Variants in FAM120B observed in about 807,000 individuals in gnomAD.
FAM120B encodes constitutive coactivator of peroxisome proliferator-activated receptor gamma.
Under a neutral mutation model 96.3 loss-of-function variants are expected in FAM120B, and 83 were observed. The ratio of observed to expected loss-of-function variants is 0.86; its 90% CI spans 0.72 to 1.03. FAM120B has a LOEUF of 1.03. FAM120B is among the 50% of genes least tolerant of loss of function. FAM120B has a pLI of 0.00. For synonymous variants in FAM120B, 407 were observed against 402.7 expected (o/e 1.01, Z -0.13); for missense variants, 1,027 against 1,121.2 (o/e 0.92, Z 1.20).
chr6:170,328,604 G>A (rs558307889), intron 3 of FAM120B, among the ~76,000 whole-genome samples: 5 of 151,582 alleles, frequency 3.3e-5, no homozygotes, highest in African/African-American at 1.2e-4. Flanking sequence ...TTTGAGTAAG[G>A]TTCACTCCTG....
chr6:170,292,170 C>G (rs927941070), upstream of FAM120B, among the ~76,000 whole-genome samples: 1 of 152,236 alleles, frequency 6.6e-6, no homozygotes, highest in Admixed American at 6.5e-5. The surrounding 1 kb of genome is among the most constrained non-coding windows in gnomAD (Gnocchi z 6.6). Flanking sequence ...GGCCCCCAAC[C>G]CACAACCTTT....
chr6:170,369,239 C>A (rs1789020096), intron 6 of FAM120B, among the ~76,000 whole-genome samples: 1 of 152,052 alleles, frequency 6.6e-6, no homozygotes, highest in Non-Finnish European at 1.5e-5. Context: ...CATAGACTTT[C>A]CAGTATTTAT....
upstream of FAM120B, among the ~76,000 whole-genome samples, chr6:170,292,051 G>A (rs1429898224): frequency 6.6e-6 from 1 of 152,182 alleles, no homozygotes; most frequent in Non-Finnish European, 1.5e-5. The surrounding 1 kb of genome is among the most constrained non-coding windows in gnomAD (Gnocchi z 6.6). Flanking sequence ...GTATGGTAAT[G>A]CAGACAGCAC....
chr6:170,351,340 TG>T (rs1436964007), intron 5 of FAM120B, among the ~76,000 whole-genome samples: 2 of 152,094 alleles, frequency 1.3e-5, no homozygotes, highest in Non-Finnish European at 2.9e-5. Flanking sequence ...CTGAAAGAGA[TG>T]GGGAGAACGG....
At chr6:170,383,754 A>C (rs1218253511) in intron 6 of FAM120B, among the ~76,000 whole-genome samples, 2 of 152,160 alleles carry the variant, frequency 1.3e-5, no homozygotes, top group African/African-American at 4.8e-5. Context: ...CTAATAATGC[A>C]CTTACCATCT....
Position 170,358,305 on chromosome 6 carries a change from T to A in FAM120B, c.2270T>A (p.Leu757His), listed in dbSNP as rs1269100791. The change falls in exon 6 of 11, where the codon CTT (leucine) becomes CAT (histidine). Residue 757 changes from leucine to histidine, a missense_variant. By Grantham distance (99) the Leu-to-His change is moderately conservative (BLOSUM62 -3). Coordinates refer to ENST00000476287, the MANE Select transcript of FAM120B (RefSeq NM_032448.3). Reference sequence around the variant, plus strand: ...CTCCAAGGAAAATCCACCTCGCAGCTTGTAAATCTACAGGTACAGACGTGA... The same window carrying A: ...CTCCAAGGAAAATCCACCTCGCAGCATGTAAATCTACAGGTACAGACGTGA... ...LCLQGKSTSQLVNLQPDYINP... is the reference protein window; with the variant it reads ...LCLQGKSTSQHVNLQPDYINP... The A allele has an allele frequency of 6.2e-7, 1 of 1,604,826 alleles. No individual in the cohort carries two copies.
chr6:170,293,629 TTTC>T (rs1226373275), upstream of FAM120B, among the ~76,000 whole-genome samples: 2 of 152,034 alleles, frequency 1.3e-5, no homozygotes, highest in Non-Finnish European at 1.5e-5. Flanking sequence ...AGAAAGCCCT[TTTC>T]TTCTTCTCCC....
intron 1 of FAM120B, among the ~76,000 whole-genome samples, 157 bp downstream of exon 1, chr6:170,306,999 C>G (rs2114988402): frequency 6.6e-6 from 1 of 152,328 alleles, no homozygotes; most frequent in Non-Finnish European, 1.5e-5. Context: ...GTCACCGCGG[C>G]TGCGACATCA....
At chr6:170,292,929 C>G (rs1035940136), upstream of FAM120B, among the ~76,000 whole-genome samples, 1 of 152,200 alleles carries the variant, frequency 6.6e-6, no homozygotes. The surrounding 1 kb of genome is among the most constrained non-coding windows in gnomAD (Gnocchi z 6.6). Flanking sequence ...CTGGGATCAC[C>G]GTGAACCCCC....
chr6:170,350,674 C>T (rs552271701), intron 5 of FAM120B, among the ~76,000 whole-genome samples: 73 of 152,228 alleles, frequency 4.8e-4, no homozygotes, highest in African/African-American at 1.7e-3. Context: ...TGGAGTAGAC[C>T]GCCAGCAAAT....
intron 9 of FAM120B, among the ~76,000 whole-genome samples, chr6:170,396,778 AG>A (rs1293962329): frequency 1.3e-5 from 2 of 152,218 alleles, no homozygotes; most frequent in Non-Finnish European, 2.9e-5. Flanking sequence ...CATTTGTGCA[AG>A]GATATTTGAG....
At position 170,330,452 on chromosome 6, in the gene FAM120B, T is replaced by A. The variant is rs1785940728; in HGVS notation, c.1919T>A (p.Val640Asp). Residue 640 changes from valine to aspartate, a missense_variant, in exon 4 of 11, where the codon GTC becomes GAC. Physicochemically the swap from Val to Asp is radical, Grantham distance 152. This residue lies in a region of FAM120B where 880 missense variants were observed against 980.9 expected (regional missense o/e 0.90). Transcript: ENST00000476287. Reference protein sequence around the residue: ...YSLLLEDCQDVTSTCLAVKEW... With the variant: ...YSLLLEDCQDDTSTCLAVKEW... ...TGACCCAACTCTTTTTCTTCAGATGTCACCAGCACCTGCCTAGCTGTCAAG... is the reference window on the plus strand; with the variant it reads ...TGACCCAACTCTTTTTCTTCAGATGACACCAGCACCTGCCTAGCTGTCAAG... 1 of 1,613,746 alleles carries A rather than the reference T, an allele frequency of 6.2e-7. No homozygotes were observed. The highest frequency in any genetic ancestry group is 1.6e-4 in the Middle Eastern group (1 of 6,078).
intron 6 of FAM120B, among the ~76,000 whole-genome samples, chr6:170,385,541 C>G (rs1308926627): frequency 6.6e-6 from 1 of 152,118 alleles, no homozygotes; most frequent in African/African-American, 2.4e-5. Flanking sequence ...CAGGAGTTCT[C>G]CCTCCTTGCT....
chr6:170,365,362 C>A, intron 6 of FAM120B, among the ~76,000 whole-genome samples: 1 of 152,316 alleles, frequency 6.6e-6, no homozygotes, highest in African/African-American at 2.4e-5. Flanking sequence ...GCTTGGTCTG[C>A]AGGGTTCCTT....
chr6:170,354,883 C>T (rs563360042), intron 5 of FAM120B, among the ~76,000 whole-genome samples: 2 of 152,046 alleles, frequency 1.3e-5, no homozygotes, highest in Non-Finnish European at 2.9e-5. Context: ...GAGCCGAGAT[C>T]GTGCCACTGC....
rs1778767591 is a variant in FAM120B at position 170,405,312 on chromosome 6, A to G, written c.*561A>G. 6.6e-6 allele frequency: 1 copy of G among 152,230 alleles called. No homozygotes were observed. Among genetic ancestry groups the G allele is most frequent in the African/African-American group, 2.4e-5 (1 of 41,456 alleles). The allele number at this position is 152,230 out of a possible 1,614,324, so 9.4% of individuals were successfully genotyped here. On this transcript the variant is annotated 3_prime_UTR_variant, in exon 11 of 11. Transcript: ENST00000476287. ...GAACAGTGAGAGATTAACAGCAACC[A>G]ATAACTAATAAAAGCTATGTGAATG...
chr6:170,390,673 A>G (rs1790435100), intron 7 of FAM120B, among the ~76,000 whole-genome samples: 1 of 152,208 alleles, frequency 6.6e-6, no homozygotes, highest in Admixed American at 6.5e-5. Flanking sequence ...ATTAAATCCA[A>G]ACACTTTTTA....
rs1787665934 is a variant in FAM120B, at chr6:170,352,834, C to T, written c.2190+4511C>T. Among the ~76,000 whole-genome samples the T allele has an allele frequency of 3.9e-5, 6 of 152,062 alleles. No homozygotes were observed. The South Asian group carries it at 1.2e-3, about 32-fold the overall frequency. On this transcript the variant is annotated intron_variant, in intron 5 of 10. Coordinates refer to ENST00000476287, the MANE Select transcript of FAM120B (RefSeq NM_032448.3). ...ATCTCTACTAAAAGAACTAGAGAAC[C>T]AAGAGCAAAAGAAAACCCCAAAGCT...
chr6:170,328,136 CCT>C (rs1470779584), intron 3 of FAM120B, among the ~76,000 whole-genome samples: 2 of 152,124 alleles, frequency 1.3e-5, no homozygotes, highest in East Asian at 3.9e-4. Context: ...GTAATTAACA[CCT>C]AACTTAAAAT....
Sources: allele counts gnomAD v4.1 joint callset (sites outside exome capture counted in the v4.1 genomes callset), GRCh38; gene constraint gnomAD v4.1.1; regional missense constraint gnomAD v4.1.1; non-coding constraint Gnocchi (gnomAD v3.1); transcripts MANE v1.5; gene names NCBI Gene and HGNC (gene_info 2026-07-23, HGNC 2026-07-21).